SND1: variants seen among roughly 807,000 people sequenced by gnomAD.
SND1 encodes staphylococcal nuclease and tudor domain containing 1.
In SND1, 38 loss-of-function variants were observed where a neutral mutation model predicts 121.7. That is an observed-to-expected ratio of 0.31 (90% CI 0.24 to 0.41). SND1 has a LOEUF of 0.41. Ranked by LOEUF, SND1 falls within the 10% of genes least tolerant of loss-of-function variation. The probability of loss-of-function intolerance (pLI) is 1.00; values close to 1 mark genes in which losing one functional copy is unlikely to be tolerated. For synonymous variants in SND1, 401 were observed against 447.4 expected, an observed-to-expected ratio of 0.90 and a Z score of 1.31; for missense variants, 868 against 1,184.6, an observed-to-expected ratio of 0.73 and a Z score of 3.92.
At chr7:127,815,878 G>A (rs1798429906) in intron 11 of SND1, among the ~76,000 whole-genome samples, 1 of 152,186 alleles carries the variant, frequency 6.6e-6, no homozygotes, top group African/African-American at 2.4e-5. Flanking sequence ...TCTTTACCAA[G>A]TAATCTGTGA....
At chr7:127,848,375 G>A (rs1799105598) in intron 12 of SND1, among the ~76,000 whole-genome samples, 1 of 152,196 alleles carries the variant, frequency 6.6e-6, no homozygotes, top group African/African-American at 2.4e-5. Flanking sequence ...GGCTCATCTG[G>A]TTGGGACAGA....
intron 16 of SND1, among the ~76,000 whole-genome samples, chr7:128,006,761 T>C (rs956610460): frequency 1.3e-5 from 2 of 152,216 alleles, no homozygotes; most frequent in South Asian, 2.1e-4. Context: ...CCTGCCTATG[T>C]AGACTTTTGG....
At chr7:127,743,915 C>T (rs1796930229) in intron 10 of SND1, among the ~76,000 whole-genome samples, 1 of 152,130 alleles carries the variant, frequency 6.6e-6, no homozygotes, top group Non-Finnish European at 1.5e-5. Context: ...CTTCCCAGGC[C>T]TTCCACCTGT....
At chr7:127,679,316 A>C (rs570142185) in intron 1 of SND1, 32 of 152,128 alleles carry the variant, frequency 2.1e-4, no homozygotes, top group Non-Finnish European at 3.2e-4. Context: ...CATTTAAAAA[A>C]ATTTTTTTGT....
chr7:127,982,164 T>G (rs1802278257), intron 15 of SND1, among the ~76,000 whole-genome samples: 2 of 152,210 alleles, frequency 1.3e-5, no homozygotes, highest in African/African-American at 4.8e-5. Context: ...GCACCGCACT[T>G]CCTGTCTGTA....
At chr7:128,058,019 C>G (rs1017762214) in intron 16 of SND1, among the ~76,000 whole-genome samples, 2 of 152,242 alleles carry the variant, frequency 1.3e-5, no homozygotes, top group Middle Eastern at 3.2e-3. Context: ...AAGGACTAGT[C>G]CCTTAGCCTG....
intron 3 of SND1, among the ~76,000 whole-genome samples, chr7:127,695,977 G>T (rs1250915882): frequency 6.6e-6 from 1 of 152,172 alleles, no homozygotes; most frequent in Non-Finnish European, 1.5e-5. Flanking sequence ...AATGGAGTTG[G>T]AACAGAAATA....
At chr7:127,807,431 C>T (rs1584587533) in intron 10 of SND1, 53 bp from the exon 11 acceptor site, 5 of 1,378,570 alleles carry the variant, frequency 3.6e-6, no homozygotes, top group Admixed American at 1.7e-5. Flanking sequence ...TGCTGTTGTA[C>T]ATGTTCATTT....
chr7:127,785,358 C>G (rs1797793332), intron 10 of SND1, among the ~76,000 whole-genome samples: 1 of 152,130 alleles, frequency 6.6e-6, no homozygotes, highest in Admixed American at 6.5e-5. Flanking sequence ...TGGGATGATT[C>G]CTGAGTATGC....
chr7:128,033,160 A>G (rs558092803), intron 16 of SND1, among the ~76,000 whole-genome samples: 48 of 152,300 alleles, frequency 3.2e-4, no homozygotes, highest in Middle Eastern at 6.8e-3. Context: ...CGTAGCAGCC[A>G]GGGGTAGCGA....
chr7:128,011,385 A>C (rs1219324642), intron 16 of SND1, among the ~76,000 whole-genome samples: 1 of 152,146 alleles, frequency 6.6e-6, no homozygotes, highest in African/African-American at 2.4e-5. Context: ...TCCTGGGGAG[A>C]GAGTGCCCTT....
intron 10 of SND1, among the ~76,000 whole-genome samples, chr7:127,736,181 C>T (rs1339717551): frequency 2.0e-5 from 3 of 152,192 alleles, no homozygotes; most frequent in Non-Finnish European, 4.4e-5. Flanking sequence ...TGCGTTTCTG[C>T]TTTCATCTTC....
chr7:127,875,713 A>C (rs780530135), intron 12 of SND1, among the ~76,000 whole-genome samples: 6 of 152,124 alleles, frequency 3.9e-5, no homozygotes, highest in Non-Finnish European at 5.9e-5. Context: ...TAGGATGATT[A>C]GGTTAATGTG....
intron 16 of SND1, among the ~76,000 whole-genome samples, chr7:128,050,347 G>A (rs1793024917): frequency 6.6e-6 from 1 of 151,316 alleles, no homozygotes; most frequent in Admixed American, 6.6e-5. Flanking sequence ...AAGTACAGTA[G>A]AAATCCCATA....
At chr7:127,792,328 C>T (rs546341397) in intron 10 of SND1, among the ~76,000 whole-genome samples, 1 of 152,234 alleles carries the variant, frequency 6.6e-6, no homozygotes, top group South Asian at 2.1e-4. Flanking sequence ...TGTTGTTTAT[C>T]AAGAGAGGTG....
At chr7:127,847,039 G>C (rs957523739) in intron 12 of SND1, among the ~76,000 whole-genome samples, 1 of 151,960 alleles carries the variant, frequency 6.6e-6, no homozygotes, top group African/African-American at 2.4e-5. Flanking sequence ...AGGCCGAGGC[G>C]GTTGGATCAC....
intron 15 of SND1, among the ~76,000 whole-genome samples, chr7:127,938,306 T>G (rs1346305289): frequency 1.3e-5 from 2 of 152,210 alleles, no homozygotes. Flanking sequence ...AAGCACAGAT[T>G]AAGAAAAGTA....
At chr7:128,071,679 G>A (rs1793414126) in intron 16 of SND1, among the ~76,000 whole-genome samples, 1 of 152,172 alleles carries the variant, frequency 6.6e-6, no homozygotes, top group Admixed American at 6.5e-5. Flanking sequence ...CCACAGCCTC[G>A]TCCAGGCTGA....
At chr7:127,763,223 G>A (rs1380001368) in intron 10 of SND1, among the ~76,000 whole-genome samples, 1 of 152,158 alleles carries the variant, frequency 6.6e-6, no homozygotes, top group Non-Finnish European at 1.5e-5. Context: ...GGACATGTTG[G>A]TGCACACTTG....
Sources: allele counts gnomAD v4.1 joint callset (sites outside exome capture counted in the v4.1 genomes callset), GRCh38; gene constraint gnomAD v4.1.1; transcripts MANE v1.5; gene names NCBI Gene and HGNC (gene_info 2026-07-23, HGNC 2026-07-21).